THSD7B: variants seen among roughly 807,000 people sequenced by gnomAD.
THSD7B encodes the protein thrombospondin type 1 domain containing 7B.
In THSD7B, 138 loss-of-function variants were observed where a neutral mutation model predicts 213.6. The observed-to-expected ratio is 0.65, with a 90% CI of 0.56 to 0.74. THSD7B has a LOEUF of 0.74. THSD7B is among the 30% of genes least tolerant of loss of function. THSD7B has a pLI of 0.00. For missense variants in THSD7B, 1,931 were observed against 1,991.5 expected (o/e 0.97, Z 0.58); for synonymous variants, 742 against 687.0 (o/e 1.08, Z -1.25).
At chr2:136,832,604 C>T (rs933921659) in intron 1 of THSD7B, among the ~76,000 whole-genome samples, 3 of 152,170 alleles carry the variant, frequency 2.0e-5, no homozygotes, top group African/African-American at 7.2e-5. Flanking sequence ...GTGAAATTGA[C>T]ACATAAAATT....
chr2:136,974,229 T>C (rs975388615), intron 2 of THSD7B, among the ~76,000 whole-genome samples: 4 of 152,322 alleles, frequency 2.6e-5, no homozygotes, highest in African/African-American at 7.2e-5. Context: ...CCAGGGTACA[T>C]GTGCATGTTT....
At chr2:137,184,651 A>C (rs1441816711) in intron 7 of THSD7B, among the ~76,000 whole-genome samples, 1 of 152,164 alleles carries the variant, frequency 6.6e-6, no homozygotes, top group African/African-American at 2.4e-5. Flanking sequence ...ATATTTGTCT[A>C]TATTGTCTAT....
intron 2 of THSD7B, among the ~76,000 whole-genome samples, chr2:136,950,628 TTTAA>T (rs1685020964): frequency 6.6e-6 from 1 of 152,192 alleles, no homozygotes; most frequent in Admixed American, 6.5e-5. Context: ...GTTTGAATTG[TTTAA>T]TTAATTTGTA....
chr2:137,180,108 G>A (rs187371118), intron 7 of THSD7B, among the ~76,000 whole-genome samples: 1 of 152,264 alleles, frequency 6.6e-6, no homozygotes, highest in East Asian at 1.9e-4. Flanking sequence ...GAACAAGGAA[G>A]GGTGTTGTTT....
At chr2:137,399,041 C>A (rs1686283394) in intron 12 of THSD7B, among the ~76,000 whole-genome samples, 1 of 152,174 alleles carries the variant, frequency 6.6e-6, no homozygotes, top group African/African-American at 2.4e-5. Flanking sequence ...GGTGCGCGCA[C>A]CCACTGACCT....
intron 5 of THSD7B, among the ~76,000 whole-genome samples, chr2:137,125,818 A>G (rs1688620712): frequency 1.3e-5 from 2 of 152,202 alleles, no homozygotes; most frequent in Admixed American, 1.3e-4. Context: ...TGAAAGTTAA[A>G]ATTCCTCCTT....
chr2:137,397,265 T>G (rs968982071), intron 12 of THSD7B, among the ~76,000 whole-genome samples: 27 of 152,238 alleles, frequency 1.8e-4, no homozygotes, highest in East Asian at 1.2e-3. Context: ...AGTCTCGATG[T>G]TCTTTACATT....
intron 14 of THSD7B, among the ~76,000 whole-genome samples, chr2:137,424,399 C>A (rs1686994243): frequency 6.6e-6 from 1 of 151,884 alleles, no homozygotes; most frequent in Non-Finnish European, 1.5e-5. Context: ...TATACCAAAG[C>A]CAGAAAAGGA....
chr2:137,200,475 A>G (rs979358469), intron 7 of THSD7B, among the ~76,000 whole-genome samples: 4 of 151,970 alleles, frequency 2.6e-5, no homozygotes, highest in African/African-American at 9.7e-5. Context: ...TTTAAAGAAC[A>G]TTTTTAGTAA....
intron 3 of THSD7B, among the ~76,000 whole-genome samples, chr2:137,065,426 A>T (rs1687357510): frequency 6.6e-6 from 1 of 151,868 alleles, no homozygotes; most frequent in Non-Finnish European, 1.5e-5. Context: ...GTTTTTCCAA[A>T]TATTATGTTA....
chr2:137,625,415 G>A (rs984189205), intron 20 of THSD7B, among the ~76,000 whole-genome samples: 5 of 151,556 alleles, frequency 3.3e-5, no homozygotes, highest in African/African-American at 1.2e-4. Context: ...CATGACACAT[G>A]TATACCTATG....
chr2:137,121,091 T>G (rs2104943941), intron 5 of THSD7B, among the ~76,000 whole-genome samples: 1 of 152,320 alleles, frequency 6.6e-6, no homozygotes, highest in Admixed American at 6.5e-5. Context: ...TGTAACAAAC[T>G]TATCTTAGTG....
chr2:137,118,763 G>T, intron 5 of THSD7B, among the ~76,000 whole-genome samples: 1 of 151,958 alleles, frequency 6.6e-6, no homozygotes. Context: ...GTCCATTTCC[G>T]TGCCGCTGAT....
At chr2:137,101,986 G>T (rs985031596) in intron 4 of THSD7B, among the ~76,000 whole-genome samples, 1 of 152,226 alleles carries the variant, frequency 6.6e-6, no homozygotes, top group Admixed American at 6.5e-5. Flanking sequence ...AAACGTTCCT[G>T]CCTGCAGGCT....
In THSD7B at chr2:137,467,368, G is replaced by A. The variant is rs544456821; in HGVS notation, c.3138+16345G>A. ...GGACTTCACAGACTTTAATATGTACGTGAATCATCTGACAGATGTTGTTTC... is the reference window on the plus strand; with the variant it reads ...GGACTTCACAGACTTTAATATGTACATGAATCATCTGACAGATGTTGTTTC... On this transcript the variant is annotated intron_variant, in intron 15 of 27. Coordinates refer to ENST00000409968, the MANE Select transcript of THSD7B (RefSeq NM_001316349.2). 3.3e-4 allele frequency among the ~76,000 whole-genome samples: 50 copies of A among 152,218 alleles called. 1 individual carries two copies. In the South Asian group the frequency reaches 3.9e-3, roughly 12 times the overall value.
At chr2:137,145,263 A>G (rs77401238) in intron 5 of THSD7B, among the ~76,000 whole-genome samples, 5,130 of 152,204 alleles carry the variant, frequency 0.034, 312 homozygotes, top group African/African-American at 0.11. Context: ...AATATTAAGA[A>G]GAGAGGCCAC....
intron 12 of THSD7B, among the ~76,000 whole-genome samples, chr2:137,395,557 T>G (rs1054721371): frequency 1.6e-4 from 25 of 151,978 alleles, no homozygotes; most frequent in Non-Finnish European, 2.4e-4. Flanking sequence ...CTGCTGGATT[T>G]GTTTTGCCAG....
intron 1 of THSD7B, among the ~76,000 whole-genome samples, chr2:136,769,918 G>T (rs2104897438): frequency 6.6e-6 from 1 of 152,188 alleles, no homozygotes; most frequent in Non-Finnish European, 1.5e-5. Flanking sequence ...TGCCTTTCTG[G>T]GCATATTTTA....
At chr2:137,146,508 G>C (rs1436566096) in intron 5 of THSD7B, among the ~76,000 whole-genome samples, 4 of 151,968 alleles carry the variant, frequency 2.6e-5, no homozygotes, top group Non-Finnish European at 5.9e-5. Flanking sequence ...ACTGAAAACT[G>C]GAGATACTAG....
Sources: gnomAD v4.1 joint callset for allele counts (sites outside exome capture counted in the v4.1 genomes callset) on GRCh38, gnomAD v4.1.1 for gene constraint, MANE v1.5 for transcripts, NCBI Gene and HGNC (gene_info 2026-07-23, HGNC 2026-07-21) for gene names.